Variants in TMEM156 observed in about 807,000 individuals in gnomAD.
TMEM156 encodes the protein transmembrane protein 156.
A neutral mutation model predicts 30.5 loss-of-function variants in TMEM156; 28 were observed. That is an observed-to-expected ratio of 0.92 (90% CI 0.68 to 1.26). The LOEUF is 1.26. TMEM156 is among the 50% of genes most tolerant of loss of function. The probability of loss-of-function intolerance (pLI) is 0.00; values close to 1 mark genes in which losing one functional copy is unlikely to be tolerated. For synonymous variants in TMEM156, 137 were observed against 119.9 expected (o/e 1.14, Z -0.93); for missense variants, 351 against 340.6 (o/e 1.03, Z -0.24).
At chr4:38,982,053 G>A (rs1178938361) in intron 5 of TMEM156, among the ~76,000 whole-genome samples, 2 of 152,230 alleles carry the variant, frequency 1.3e-5, no homozygotes, top group Admixed American at 1.3e-4. Flanking sequence ...GAGTCAGTGA[G>A]TTGGGAAAGG....
chr4:38,977,125 A>T (rs186366228), intron 5 of TMEM156, among the ~76,000 whole-genome samples: 79 of 152,172 alleles, frequency 5.2e-4, no homozygotes, highest in African/African-American at 1.8e-3. Flanking sequence ...GGCTGGTCTC[A>T]AACTCCTGGC....
At chr4:38,985,977 G>A (rs1234701110) in intron 5 of TMEM156, among the ~76,000 whole-genome samples, 2 of 152,194 alleles carry the variant, frequency 1.3e-5, no homozygotes, top group East Asian at 1.9e-4. Context: ...AGGCTCCAGC[G>A]AAAGCCATGC....
intron 3 of TMEM156, among the ~76,000 whole-genome samples, chr4:38,991,023 C>T (rs1408067790): frequency 1.3e-5 from 2 of 150,704 alleles, no homozygotes; most frequent in Non-Finnish European, 1.5e-5. Flanking sequence ...TTAGTAGAGA[C>T]AGGGTTTCAC....
At chr4:38,973,000 T>C (rs926077540) in intron 5 of TMEM156, among the ~76,000 whole-genome samples, 2 of 152,216 alleles carry the variant, frequency 1.3e-5, no homozygotes. Flanking sequence ...CAGTTATAAA[T>C]GAGTCGTAGC....
chr4:38,999,019 T>G (rs984504774), intron 1 of TMEM156, 110 bp from the exon 2 acceptor site: 3 of 801,890 alleles, frequency 3.7e-6, no homozygotes, highest in Admixed American at 6.4e-5. Flanking sequence ...TCAGTACATT[T>G]CAGCTTATCA....
chr4:39,001,515 G>A (rs1713358437), intron 1 of TMEM156, among the ~76,000 whole-genome samples: 1 of 150,114 alleles, frequency 6.7e-6, no homozygotes, highest in Non-Finnish European at 1.5e-5. Flanking sequence ...TAAATAATAT[G>A]GAGCACAATG....
intron 4 of TMEM156, among the ~76,000 whole-genome samples, chr4:38,988,420 C>T (rs1447467737): frequency 7.9e-6 from 1 of 127,068 alleles, no homozygotes; most frequent in Non-Finnish European, 1.8e-5. Flanking sequence ...GACGGGCTTT[C>T]ACCATGTTGG....
At chr4:39,014,390 T>C (rs567482388) in intron 1 of TMEM156, among the ~76,000 whole-genome samples, 3 of 152,288 alleles carry the variant, frequency 2.0e-5, no homozygotes, top group Non-Finnish European at 2.9e-5. Context: ...AATGAACCAA[T>C]GAAATCATCT....
intron 3 of TMEM156, among the ~76,000 whole-genome samples, chr4:38,992,699 TAA>T (rs1491324961): frequency 2.2e-4 from 11 of 49,094 alleles, no homozygotes; most frequent in East Asian, 7.5e-4. Flanking sequence ...ATATATTATA[TAA>T]TATATATATA....
chr4:39,006,764 AAATAAT>A (rs988311610), intron 1 of TMEM156, among the ~76,000 whole-genome samples: 1 of 151,762 alleles, frequency 6.6e-6, no homozygotes, highest in African/African-American at 2.4e-5. Context: ...AAAAAATACA[AAATAAT>A]AATAATAATA....
chr4:38,971,038 T>C lies in TMEM156; in HGVS notation c.*32A>G, dbSNP rs770883443. On this transcript the variant is annotated 3_prime_UTR_variant, in exon 6 of 7. Transcript: ENST00000381938. ...AAGCCGAATCATCACTCACCGTGTA[T>C]ATTGATCTCACTGATGCACTGTGGA... 6 of 1,592,446 alleles carry C rather than the reference T, an allele frequency of 3.8e-6. No homozygotes were observed. The South Asian group carries it at 5.5e-5, about 15-fold the overall frequency.
chr4:38,989,629 A>AG (rs936968159), intron 3 of TMEM156, among the ~76,000 whole-genome samples: 4 of 152,164 alleles, frequency 2.6e-5, no homozygotes, highest in Admixed American at 6.5e-5. Context: ...CAACATGGGA[A>AG]GGATGTTCAC....
intron 2 of TMEM156, among the ~76,000 whole-genome samples, chr4:38,994,816 T>G (rs1446450079): frequency 6.6e-6 from 1 of 152,066 alleles, no homozygotes; most frequent in Admixed American, 6.6e-5. Context: ...GGCGTGGTGA[T>G]GTGTGCCTGC....
intron 1 of TMEM156, among the ~76,000 whole-genome samples, chr4:39,017,521 A>C (rs143517658): frequency 4.9e-4 from 75 of 152,162 alleles, no homozygotes; most frequent in African/African-American, 1.4e-3. Flanking sequence ...TGTGTTCCAG[A>C]TGTTGAGTTC....
chr4:39,002,382 C>T (rs536648057), intron 1 of TMEM156, among the ~76,000 whole-genome samples: 145 of 149,440 alleles, frequency 9.7e-4, no homozygotes, highest in Middle Eastern at 3.5e-3. Context: ...AGTCAGGAAA[C>T]GACAGGTGCT....
At chr4:39,013,390 T>C (rs1342987581) in intron 1 of TMEM156, among the ~76,000 whole-genome samples, 1 of 116,646 alleles carries the variant, frequency 8.6e-6, no homozygotes, top group African/African-American at 5.5e-5. Flanking sequence ...TATTTATTTA[T>C]TTATTTATTT....
rs200082421 is a variant in TMEM156 at position 39,032,280 on chromosome 4, C to T, written c.34G>A (p.Ala12Thr). ...TKTALLKLFV[A>T]IVITFILILP... The stretch of plus-strand genomic sequence containing the variant: ...ATTAAAATGAATGTGATCACTATTG[C>T]CACAAATAATTTAAGGAGGGCTGTT... Residue 12 changes from alanine (A) to threonine (T), a missense_variant, in exon 1 of 7, where the codon GCA becomes ACA. Coordinates refer to ENST00000381938, the MANE Select transcript of TMEM156 (RefSeq NM_024943.3). The T allele has an allele frequency of 1.9e-6, 3 of 1,610,102 alleles. No homozygotes were observed. The Admixed American group carries it at 5.0e-5, about 27-fold the overall frequency.
chr4:39,021,697 C>CA (rs1714880724), intron 1 of TMEM156, among the ~76,000 whole-genome samples: 1 of 151,956 alleles, frequency 6.6e-6, no homozygotes, highest in Non-Finnish European at 1.5e-5. Context: ...GGGTCATAAC[C>CA]AAAAAAATAA....
rs80111933 is a variant in TMEM156 at position 39,015,622 on chromosome 4, C to T, written c.88+16604G>A. 3.8e-4 allele frequency among the ~76,000 whole-genome samples: 58 copies of T among 152,308 alleles called. 1 individual carries two copies. The highest frequency in any genetic ancestry group is 1.3e-3 in the African/African-American group (56 of 41,570). The stretch of plus-strand genomic sequence containing the variant: ...GTCTAACCTATACTGTGAGACAATA[C>T]ATTTGTGTCATTTTAAGCCACTAAG... On this transcript the variant is annotated intron_variant, in intron 1 of 6. Transcript: ENST00000381938.
Sources: allele counts gnomAD v4.1 joint callset (sites outside exome capture counted in the v4.1 genomes callset), GRCh38; gene constraint gnomAD v4.1.1; transcripts MANE v1.5; gene names NCBI Gene and HGNC (gene_info 2026-07-23, HGNC 2026-07-21).